ZNF672: variants seen among roughly 807,000 people sequenced by gnomAD.
ZNF672 encodes hypothetical protein FLJ22301.
For missense variants in ZNF672, 733 were observed against 701.1 expected (o/e 1.05, Z -0.51); for synonymous variants, 358 against 305.6 (o/e 1.17, Z -1.79).
In ZNF672 at chr1:248,849,488, C is replaced by A; in HGVS notation, c.*855C>A. On this transcript the variant is annotated 3_prime_UTR_variant, in exon 4 of 4. Transcript: ENST00000306562. ...GAGCCGGTCAACTTTTTGCTCATGG[C>A]TAGTGAAATAAAGTTGTTTGAGTAC... The A allele has an allele frequency of 3.7e-6, 1 of 270,206 alleles. No individual in the cohort carries two copies. Among genetic ancestry groups the A allele is most frequent in the Non-Finnish European group, 7.7e-6 (1 of 130,174 alleles). The allele number at this position is 270,206 out of a possible 1,614,324, so 16.7% of individuals were successfully genotyped here.
chr1:248,841,990 G>A (rs1236434534), intron 1 of ZNF672, among the ~76,000 whole-genome samples: 1 of 152,176 alleles, frequency 6.6e-6, no homozygotes, highest in Non-Finnish European at 1.5e-5. Context: ...AGAGCAAACT[G>A]TCATTCCTAT....
chr1:248,839,054 C>G lies in ZNF672; in HGVS notation c.-475+503C>G, dbSNP rs1664625650. ...CAGGATTGGCTGCGCTGCTGTGGGC[C>G]ACGGAAAGCGACCTGTTCAGGTGCC... On this transcript the variant is annotated intron_variant, in intron 1 of 3. Coordinates refer to ENST00000306562, the MANE Select transcript of ZNF672 (RefSeq NM_024836.3). 5.2e-5 allele frequency: 8 copies of G among 152,396 alleles called. No homozygotes were observed. In the South Asian group the frequency reaches 1.4e-3, roughly 28 times the overall value. The allele number at this position is 152,396 out of a possible 1,614,324, so 9.4% of individuals were successfully genotyped here.
rs1328820907 is a variant in ZNF672 at position 248,849,332 on chromosome 1, G to A, written c.*699G>A. On this transcript the variant is annotated 3_prime_UTR_variant, in exon 4 of 4. Coordinates refer to ENST00000306562, the MANE Select transcript of ZNF672 (RefSeq NM_024836.3). ...GAACCATGTTCCCCAGCCAGGTGAG[G>A]ACCATTTTCACTGGGACCCAGGCCA... 1 of 361,392 alleles carries A rather than the reference G, an allele frequency of 2.8e-6. No homozygotes were observed. Among genetic ancestry groups the A allele is most frequent in the Non-Finnish European group, 5.7e-6 (1 of 176,698 alleles). 22.4% of individuals were successfully genotyped at this position (361,392 alleles called of 1,614,324 possible). A position where few individuals can be genotyped will look rare whatever the true frequency, so the allele number is the denominator to read the frequency against.
Position 248,847,517 on chromosome 1 carries a change from C to T in ZNF672, c.243C>T (p.His81=). 5 of 1,597,914 alleles carry T rather than the reference C, an allele frequency of 3.1e-6. No homozygotes were observed. Among genetic ancestry groups the T allele is most frequent in the Non-Finnish European group, 4.3e-6 (5 of 1,172,998 alleles). Residue 81 remains histidine, a synonymous_variant, in exon 4 of 4, where the codon CAC becomes CAT. Coordinates refer to ENST00000306562, the MANE Select transcript of ZNF672 (RefSeq NM_024836.3). ...GTGAGTGCGGACAAAGCTTCCGCCA[C>T]AGCGGCCGTCTTGACCTACACTTGG... ...ICSECGQSFR[H]SGRLDLHLGA...
Position 248,848,241 on chromosome 1 carries a change from C to G in ZNF672, c.967C>G (p.Arg323Gly), listed in dbSNP as rs774221964. Residue 323 changes from arginine to glycine, a missense_variant, in exon 4 of 4, where the codon CGC (arginine) becomes GGC (glycine). Arg to Gly is a moderately radical substitution (Grantham distance 125, BLOSUM62 -2). Coordinates refer to ENST00000306562, the MANE Select transcript of ZNF672 (RefSeq NM_024836.3). Reference protein sequence around the residue: ...CPECGRRFSDRSDLTKHRRTH... With the variant: ...CPECGRRFSDGSDLTKHRRTH... Reference sequence around the variant, plus strand: ...CGAGTGCGGCCGCCGCTTCAGCGACCGCTCGGACCTCACCAAGCACCGGCG... The same window carrying G: ...CGAGTGCGGCCGCCGCTTCAGCGACGGCTCGGACCTCACCAAGCACCGGCG... 6.2e-7 allele frequency: 1 copy of G among 1,601,280 alleles called. No individual in the cohort carries two copies. Among genetic ancestry groups the G allele is most frequent in the Admixed American group, 1.7e-5 (1 of 59,674 alleles).
rs940857951 is a variant in ZNF672 at position 248,838,466 on chromosome 1, C to G, written c.-560C>G. 5 of 152,228 alleles carry G rather than the reference C, an allele frequency of 3.3e-5. No homozygotes were observed. Among genetic ancestry groups the G allele is most frequent in the Non-Finnish European group, 5.9e-5 (4 of 68,052 alleles). 9.4% of individuals were successfully genotyped at this position (152,228 alleles called of 1,614,324 possible). A position where few individuals can be genotyped will look rare whatever the true frequency, so the allele number is the denominator to read the frequency against. ...GCCGTTAGCCCCTTCCTCGCTCCCC[C>G]GCCCCAGTCCCGCAGTCCGGGAGGC... On this transcript the variant is annotated 5_prime_UTR_variant, in exon 1 of 4. Transcript: ENST00000306562.
intron 1 of ZNF672, among the ~76,000 whole-genome samples, chr1:248,841,440 C>G (rs552543910): frequency 1.3e-5 from 2 of 152,044 alleles, no homozygotes; most frequent in South Asian, 4.2e-4. Flanking sequence ...CATCCTGTTG[C>G]CTGTGTCTCA....
rs1659152202 is a variant in ZNF672 at position 248,847,310 on chromosome 1, G to A, written c.36G>A (p.Lys12=). ...CATCTGGGGCAGTGGCAGCGGGGAA[G>A]CCTTACTCGTGCAGCGAATGTGGCA... The part of the protein sequence containing the change: ...FATSGAVAAG[K]PYSCSECGKS... Residue 12 remains lysine, a synonymous_variant, in exon 4 of 4, where the codon AAG becomes AAA. Coordinates refer to ENST00000306562, the MANE Select transcript of ZNF672 (RefSeq NM_024836.3). 6.2e-7 allele frequency: 1 copy of A among 1,607,042 alleles called. No individual in the cohort carries two copies. Among genetic ancestry groups the A allele is most frequent in the Non-Finnish European group, 8.5e-7 (1 of 1,173,942 alleles).
intron 1 of ZNF672, among the ~76,000 whole-genome samples, chr1:248,841,500 C>T (rs1024633653): frequency 6.6e-6 from 1 of 152,108 alleles, no homozygotes; most frequent in Admixed American, 6.5e-5. Context: ...TGCCTACATC[C>T]TGTTGCCTGT....
rs148936305 is a variant in ZNF672 at position 248,848,371 on chromosome 1, C to G, written c.1097C>G (p.Pro366Arg). The change falls in exon 4 of 4, where the codon CCA becomes CGA. Residue 366 changes from proline to arginine, a missense_variant. Coordinates refer to ENST00000306562, the MANE Select transcript of ZNF672 (RefSeq NM_024836.3). ...CGGCGCAACCATGCCGGCCACAAGCCACACAAATGCCCCGAGTGCAGCAAG... is the reference window on the plus strand; with the variant it reads ...CGGCGCAACCATGCCGGCCACAAGCGACACAAATGCCCCGAGTGCAGCAAG... ...VHRRNHAGHK[P>R]HKCPECSKAF... is the part of the protein sequence containing the mutation. 1 of 1,602,544 alleles carries G rather than the reference C, an allele frequency of 6.2e-7. No individual in the cohort carries two copies.
Position 248,847,303 on chromosome 1 carries a change from C to G in ZNF672, c.29C>G (p.Ala10Gly). 6.2e-7 allele frequency: 1 copy of G among 1,602,884 alleles called. No homozygotes were observed. Among genetic ancestry groups the G allele is most frequent in the Non-Finnish European group, 8.5e-7 (1 of 1,170,442 alleles). Reference sequence around the variant, plus strand: ...TTTGCCACATCTGGGGCAGTGGCAGCGGGGAAGCCTTACTCGTGCAGCGAA... The same window carrying G: ...TTTGCCACATCTGGGGCAGTGGCAGGGGGGAAGCCTTACTCGTGCAGCGAA... Reference protein sequence around the residue: MFATSGAVAAGKPYSCSECG... With the variant: MFATSGAVAGGKPYSCSECG... The change falls in exon 4 of 4, where the codon GCG (alanine) becomes GGG (glycine). Residue 10 changes from alanine to glycine, a missense_variant. By Grantham distance (60) the Ala-to-Gly change is moderately conservative. Transcript: ENST00000306562.
intron 1 of ZNF672, among the ~76,000 whole-genome samples, chr1:248,841,445 G>A (rs1482984571): frequency 6.6e-6 from 1 of 151,892 alleles, no homozygotes; most frequent in East Asian, 1.9e-4. Context: ...TGTTGCCTGT[G>A]TCTCAGAAGG....
In ZNF672 at chr1:248,847,506, A is replaced by T. The variant is rs1272635881; in HGVS notation, c.232A>T (p.Ser78Cys). 1 of 1,597,914 alleles carries T rather than the reference A, an allele frequency of 6.3e-7. No homozygotes were observed. The highest frequency in any genetic ancestry group is 1.1e-5 in the South Asian group (1 of 88,748). Residue 78 changes from serine (S) to cysteine (C), a missense_variant, in exon 4 of 4, where the codon AGC becomes TGC. Ser to Cys is a moderately radical substitution (Grantham distance 112). Transcript: ENST00000306562. ...CTACATCTGCAGTGAGTGCGGACAA[A>T]GCTTCCGCCACAGCGGCCGTCTTGA... Reference protein sequence around the residue: ...TLYICSECGQSFRHSGRLDLH... With the variant: ...TLYICSECGQCFRHSGRLDLH...
chr1:248,844,783 G>A (rs553836748), intron 2 of ZNF672, 147 bp downstream of exon 2: 1 of 152,404 alleles, frequency 6.6e-6, no homozygotes, highest in Admixed American at 6.5e-5. Context: ...CCAGATACCC[G>A]AGGAGGAGGC....
At chr1:248,844,326 C>T (rs1473679889) in intron 1 of ZNF672, among the ~76,000 whole-genome samples, 157 bp from the exon 2 acceptor site, 1 of 152,172 alleles carries the variant, frequency 6.6e-6, no homozygotes, top group East Asian at 1.9e-4. Flanking sequence ...GTAATTTCCC[C>T]CTTCCCTCTT....
chr1:248,842,715 G>C (rs1301254725), intron 1 of ZNF672: 1 of 152,102 alleles, frequency 6.6e-6, no homozygotes, highest in Admixed American at 6.5e-5. Context: ...ATCTCATCTG[G>C]ATTTCAGGGC....
intron 2 of ZNF672, among the ~76,000 whole-genome samples, chr1:248,845,229 T>C (rs55692539): frequency 0.13 from 20,435 of 152,212 alleles, 2,497 homozygotes; most frequent in African/African-American, 0.31. Flanking sequence ...GTGACTGCTC[T>C]CTAGCCTGGG....
intron 1 of ZNF672, chr1:248,839,205 G>A (rs992703689): frequency 4.6e-5 from 7 of 152,358 alleles, no homozygotes; most frequent in Non-Finnish European, 1.0e-4. Context: ...AGCTATGGAA[G>A]GCCCATGCTG....
chr1:248,847,958 G>C lies in ZNF672; in HGVS notation c.684G>C (p.Lys228Asn). The C allele has an allele frequency of 6.4e-7, 1 of 1,565,608 alleles. No homozygotes were observed. Among genetic ancestry groups the C allele is most frequent in the South Asian group, 1.2e-5 (1 of 86,418 alleles). ...LQTHSGEKPFKCPECGKGFLE... is the reference protein window; with the variant it reads ...LQTHSGEKPFNCPECGKGFLE... ...CGCACTCGGGGGAGAAACCCTTCAAGTGCCCGGAGTGCGGCAAGGGCTTCC... is the reference window on the plus strand; with the variant it reads ...CGCACTCGGGGGAGAAACCCTTCAACTGCCCGGAGTGCGGCAAGGGCTTCC... Residue 228 changes from lysine to asparagine, a missense_variant, in exon 4 of 4, where the codon AAG becomes AAC. Physicochemically the swap from Lys to Asn is moderately conservative, Grantham distance 94. Transcript: ENST00000306562.
Sources: gnomAD v4.1 joint callset for allele counts (sites outside exome capture counted in the v4.1 genomes callset) on GRCh38, gnomAD v4.1.1 for gene constraint, MANE v1.5 for transcripts, NCBI Gene and HGNC (gene_info 2026-07-23, HGNC 2026-07-21) for gene names.